FBXL17: variants seen among roughly 807,000 people sequenced by gnomAD.
FBXL17 encodes the protein F-box and leucine rich repeat protein 17, also known as F-box/LRR-repeat protein 17.
In FBXL17, 22 loss-of-function variants were observed where a neutral mutation model predicts 66.2. That is an observed-to-expected ratio of 0.33 (90% CI 0.24 to 0.47). The LOEUF is 0.47. FBXL17 is among the 20% of genes least tolerant of loss of function. FBXL17 has a pLI of 1.00. For synonymous variants in FBXL17, 474 were observed against 400.5 expected, an observed-to-expected ratio of 1.18 and a Z score of -2.19; for missense variants, 878 against 948.2, an observed-to-expected ratio of 0.93 and a Z score of 0.97.
intron 4 of FBXL17, among the ~76,000 whole-genome samples, chr5:108,330,723 C>T (rs1455031115): frequency 6.6e-6 from 1 of 152,050 alleles, no homozygotes; most frequent in African/African-American, 2.4e-5. Flanking sequence ...CAGGTACACA[C>T]ACATCATCAC....
intron 6 of FBXL17, among the ~76,000 whole-genome samples, chr5:108,043,033 C>T (rs1747112638): frequency 3.9e-5 from 6 of 152,174 alleles, no homozygotes; most frequent in African/African-American, 1.2e-4. Context: ...TGTATATCAT[C>T]AGTGAAATGT....
chr5:108,061,169 C>A (rs1047795530), intron 6 of FBXL17, among the ~76,000 whole-genome samples: 1 of 152,004 alleles, frequency 6.6e-6, no homozygotes, highest in Non-Finnish European at 1.5e-5. Flanking sequence ...TGCCTGTAAT[C>A]CCAGCTACTC....
At chr5:107,911,457 C>T (rs1262057575) in intron 7 of FBXL17, among the ~76,000 whole-genome samples, 1 of 152,062 alleles carries the variant, frequency 6.6e-6, no homozygotes, top group Non-Finnish European at 1.5e-5. Flanking sequence ...AGAGGTGTTA[C>T]TTCATAATAG....
chr5:108,217,203 A>C (rs1218033369), intron 5 of FBXL17, among the ~76,000 whole-genome samples: 1 of 152,028 alleles, frequency 6.6e-6, no homozygotes, highest in East Asian at 1.9e-4. Flanking sequence ...CTCCCATTCC[A>C]GACCCCCTCT....
intron 4 of FBXL17, among the ~76,000 whole-genome samples, chr5:108,266,667 G>T (rs558967909): frequency 3.0e-4 from 45 of 152,188 alleles, no homozygotes; most frequent in African/African-American, 1.1e-3. Context: ...GTATACTGAG[G>T]TTGCTAAAAT....
chr5:108,014,852 G>A (rs1050441709), intron 7 of FBXL17, among the ~76,000 whole-genome samples: 4 of 152,162 alleles, frequency 2.6e-5, no homozygotes, highest in African/African-American at 9.7e-5. Context: ...CATGGTGGAA[G>A]GCAAAAGTCA....
intron 6 of FBXL17, among the ~76,000 whole-genome samples, chr5:108,107,674 T>C (rs1007914592): frequency 6.6e-6 from 1 of 151,686 alleles, no homozygotes; most frequent in African/African-American, 2.4e-5. Flanking sequence ...TAGCCAGGCA[T>C]GGTGGCGGGC....
intron 5 of FBXL17, among the ~76,000 whole-genome samples, chr5:108,201,258 G>C (rs550400475): frequency 6.6e-6 from 1 of 152,202 alleles, no homozygotes; most frequent in East Asian, 1.9e-4. Context: ...CAAAGAAAAA[G>C]ATAATACATA....
intron 4 of FBXL17, among the ~76,000 whole-genome samples, chr5:108,294,290 A>AT (rs1481005614): frequency 4.1e-5 from 6 of 146,440 alleles, no homozygotes; most frequent in South Asian, 2.1e-4. Context: ...CTGAAAAAAA[A>AT]AAATATATAT....
intron 7 of FBXL17, among the ~76,000 whole-genome samples, chr5:107,951,811 T>C (rs571806253): frequency 6.6e-6 from 1 of 152,320 alleles, no homozygotes; most frequent in Non-Finnish European, 1.5e-5. Context: ...GGCAGTTTAT[T>C]GCATCAAATA....
chr5:108,373,752 CA>C (rs902627087), intron 1 of FBXL17, among the ~76,000 whole-genome samples: 2 of 151,072 alleles, frequency 1.3e-5, no homozygotes, highest in South Asian at 2.1e-4. Context: ...CCTGTCTCCA[CA>C]AAAAAAATGA....
chr5:108,208,073 A>G (rs1461502407), intron 5 of FBXL17, among the ~76,000 whole-genome samples: 1 of 152,176 alleles, frequency 6.6e-6, no homozygotes. Flanking sequence ...ACCAGTGATG[A>G]TGAGCATTTT....
intron 7 of FBXL17, among the ~76,000 whole-genome samples, chr5:108,020,515 T>C (rs1639851407): frequency 2.6e-5 from 4 of 151,992 alleles, no homozygotes; most frequent in African/African-American, 7.2e-5. Context: ...AAGTTTGGCA[T>C]TTAGAATGTC....
At chr5:108,244,249 C>G (rs1204301185) in intron 4 of FBXL17, among the ~76,000 whole-genome samples, 2 of 152,002 alleles carry the variant, frequency 1.3e-5, no homozygotes, top group Non-Finnish European at 2.9e-5. Flanking sequence ...ACTGGCTGGT[C>G]ATAATATGGA....
At chr5:108,262,267 C>CG (rs570641949) in intron 4 of FBXL17, among the ~76,000 whole-genome samples, 1 of 151,058 alleles carries the variant, frequency 6.6e-6, no homozygotes, top group African/African-American at 2.4e-5. Flanking sequence ...TTAGTAGAGG[C>CG]GGGGTTTCAC....
intron 7 of FBXL17, among the ~76,000 whole-genome samples, chr5:107,885,562 G>C (rs1748938696): frequency 6.6e-6 from 1 of 152,096 alleles, no homozygotes; most frequent in Admixed American, 6.5e-5. Flanking sequence ...CCACACAACT[G>C]AATAATACTA....
In FBXL17 at chr5:108,101,221, G is replaced by C. The variant is rs544470350; in HGVS notation, c.1746-80220C>G. Among the ~76,000 whole-genome samples the C allele has an allele frequency of 3.5e-4, 53 of 152,356 alleles. 1 individual carries two copies. Among genetic ancestry groups the C allele is most frequent in the African/African-American group, 1.1e-3 (44 of 41,582 alleles). ...TCAAAGTTTAATTATGAATGGAATA[G>C]CATAGCAGGAAGACAGAGAAATTCA... On this transcript the variant is annotated intron_variant, in intron 6 of 8. Coordinates refer to ENST00000542267, the MANE Select transcript of FBXL17 (RefSeq NM_001163315.3).
rs768615062 is a variant in FBXL17 at position 108,154,616 on chromosome 5, TACACACACACAC to T, written c.1745+31489_1745+31500del. On this transcript the variant is annotated intron_variant, in intron 6 of 8. Transcript: ENST00000542267. ...AAAAAAAAAAAAAAAAATATATATA[TACACACACACAC>T]ACACACACACACACACACACATATA... is the stretch of plus-strand genomic sequence containing the variant. Among the ~76,000 whole-genome samples, 87 of 96,290 alleles carry T rather than the reference TACACACACACAC, an allele frequency of 9.0e-4. 1 individual carries two copies. Among genetic ancestry groups the T allele is most frequent in the Non-Finnish European group, 1.3e-3 (70 of 53,004 alleles). The allele number at this position is 96,290 out of a possible 152,430, so 63.2% of individuals were successfully genotyped here. A position where few individuals can be genotyped will look rare whatever the true frequency, so the allele number is the denominator to read the frequency against.
At chr5:107,881,975 A>G (rs1339126417) in intron 7 of FBXL17, among the ~76,000 whole-genome samples, 1 of 152,156 alleles carries the variant, frequency 6.6e-6, no homozygotes, top group Non-Finnish European at 1.5e-5. Flanking sequence ...CCCATAACCC[A>G]TCACCCCATC....
Sources: gnomAD v4.1 joint callset for allele counts (sites outside exome capture counted in the v4.1 genomes callset) on GRCh38, gnomAD v4.1.1 for gene constraint, MANE v1.5 for transcripts, NCBI Gene and HGNC (gene_info 2026-07-23, HGNC 2026-07-21) for gene names.